BARX2: variants seen among roughly 807,000 people sequenced by gnomAD.
The protein encoded by BARX2 is homeobox protein BarH-like 2.
In BARX2, 11 loss-of-function variants were observed where a neutral mutation model predicts 25.5. That is an observed-to-expected ratio of 0.43 (90% CI 0.27 to 0.71). The LOEUF (loss-of-function observed/expected upper bound fraction) is 0.71, where lower values mean the gene tolerates loss of function less well. BARX2 is among the 30% of genes least tolerant of loss of function. The pLI is 0.19. For missense variants in BARX2, 360 were observed against 359.9 expected (o/e 1.00, Z 0.00); for synonymous variants, 137 against 149.5 (o/e 0.92, Z 0.61).
At position 129,436,941 on chromosome 11, in the gene BARX2, C is replaced by T; in HGVS notation, c.378C>T (p.Pro126=). 1 of 1,613,128 alleles carries T rather than the reference C, an allele frequency of 6.2e-7. No homozygotes were observed. Residue 126 remains proline (P), a synonymous_variant, in exon 2 of 4, where the codon CCC becomes CCT. Coordinates refer to ENST00000281437, the MANE Select transcript of BARX2 (RefSeq NM_003658.5). The surrounding 1 kb of genome is among the most constrained non-coding windows in gnomAD (Gnocchi z 4.5). ...GCAGCGAGTCAGAGACGGAACAGCC[C>T]ACGCCCCGACAGAAGAAGCCCCGCC... The part of the protein sequence containing the change: ...LASSESETEQ[P]TPRQKKPRRS...
At chr11:129,401,620 T>A (rs1397074458) in intron 1 of BARX2, among the ~76,000 whole-genome samples, 1 of 152,124 alleles carries the variant, frequency 6.6e-6, no homozygotes, top group Non-Finnish European at 1.5e-5. Context: ...GCCAAAGTTG[T>A]CCATAGCACC....
intron 1 of BARX2, among the ~76,000 whole-genome samples, chr11:129,429,302 T>A (rs1432144273): frequency 6.6e-6 from 1 of 151,560 alleles, no homozygotes. Flanking sequence ...GAGGCTGAGG[T>A]GGAAGGATCA....
At chr11:129,398,072 T>G (rs1408933780) in intron 1 of BARX2, among the ~76,000 whole-genome samples, 1 of 152,246 alleles carries the variant, frequency 6.6e-6, no homozygotes, top group Non-Finnish European at 1.5e-5. Flanking sequence ...CAACTGCATC[T>G]TTAGAAGTTG....
chr11:129,398,826 G>A (rs1591432103), intron 1 of BARX2, among the ~76,000 whole-genome samples: 2 of 152,216 alleles, frequency 1.3e-5, no homozygotes, highest in South Asian at 4.1e-4. Context: ...AGTTCCAGTA[G>A]TTGGCTTAAT....
chr11:129,449,150 CTA>C (rs1395570817), intron 3 of BARX2, among the ~76,000 whole-genome samples: 2 of 152,144 alleles, frequency 1.3e-5, no homozygotes, highest in African/African-American at 2.4e-5. Context: ...AATTCTGTGA[CTA>C]TCCTAAAAAT....
chr11:129,388,759 A>C (rs1051027849), intron 1 of BARX2, among the ~76,000 whole-genome samples: 1 of 152,236 alleles, frequency 6.6e-6, no homozygotes, highest in Non-Finnish European at 1.5e-5. Context: ...TCTGGGAACC[A>C]CAATAATGTA....
At chr11:129,442,576 T>A in intron 2 of BARX2, 1 of 471,976 alleles carries the variant, frequency 2.1e-6, no homozygotes, top group Admixed American at 3.3e-5. Flanking sequence ...CTCAGGTCCC[T>A]TGCAGACCGT....
chr11:129,428,053 T>C (rs59085682), intron 1 of BARX2, among the ~76,000 whole-genome samples: 39,313 of 152,158 alleles, frequency 0.26, 5,104 homozygotes, highest in Middle Eastern at 0.34. Context: ...GTAAATGATA[T>C]GCACAGTTAT....
intron 1 of BARX2, among the ~76,000 whole-genome samples, chr11:129,378,762 A>G (rs1301271170): frequency 1.0e-4 from 15 of 150,734 alleles, no homozygotes; most frequent in South Asian, 6.3e-4. Flanking sequence ...AAACTAAGAG[A>G]AAAAAAAGGC....
At chr11:129,395,173 C>G (rs1235686757) in intron 1 of BARX2, among the ~76,000 whole-genome samples, 9 of 152,152 alleles carry the variant, frequency 5.9e-5, no homozygotes, top group Non-Finnish European at 1.0e-4. Flanking sequence ...AGTCACTAAT[C>G]AAATCCATAA....
intron 2 of BARX2, among the ~76,000 whole-genome samples, chr11:129,440,968 C>A (rs1366729807): frequency 6.6e-6 from 1 of 152,194 alleles, no homozygotes; most frequent in Non-Finnish European, 1.5e-5. Context: ...CTGCTGCATT[C>A]GAAGTCCACA....
At chr11:129,427,032 TAAG>T (rs1190438812) in intron 1 of BARX2, among the ~76,000 whole-genome samples, 1 of 152,202 alleles carries the variant, frequency 6.6e-6, no homozygotes, top group Non-Finnish European at 1.5e-5. Flanking sequence ...GCACAGATGA[TAAG>T]AAGATACGTA....
chr11:129,435,194 T>C (rs189739329), intron 1 of BARX2, among the ~76,000 whole-genome samples: 2 of 152,310 alleles, frequency 1.3e-5, no homozygotes, highest in East Asian at 3.9e-4. Context: ...CTCTAAAATA[T>C]CACTCCCAGG....
intron 1 of BARX2, among the ~76,000 whole-genome samples, chr11:129,392,526 A>G (rs1313428699): frequency 3.9e-5 from 6 of 152,206 alleles, no homozygotes; most frequent in Non-Finnish European, 7.3e-5. Flanking sequence ...AATAATAACA[A>G]TACACACACA....
intron 1 of BARX2, among the ~76,000 whole-genome samples, chr11:129,399,198 G>A (rs1314026186): frequency 6.6e-6 from 1 of 152,116 alleles, no homozygotes; most frequent in Admixed American, 6.5e-5. Context: ...AGGCTCTCTG[G>A]GAGTGCAGTT....
At position 129,451,640 on chromosome 11, in the gene BARX2, A is replaced by G; in HGVS notation, c.*238A>G. The G allele has an allele frequency of 9.1e-6, 5 of 547,830 alleles. No individual in the cohort carries two copies. In the South Asian group the frequency reaches 1.2e-4, roughly 13 times the overall value. The allele number at this position is 547,830 out of a possible 1,614,324, so 33.9% of individuals were successfully genotyped here. ...GCTTTAGCTGTGGATGCCCTTGATT[A>G]AGGGAGAGAGCGCCTAGGAGCTGCC... is the stretch of plus-strand genomic sequence containing the variant. On this transcript the variant is annotated 3_prime_UTR_variant, in exon 4 of 4. Coordinates refer to ENST00000281437, the MANE Select transcript of BARX2 (RefSeq NM_003658.5).
chr11:129,395,319 G>A lies in BARX2; in HGVS notation c.187+19097G>A, dbSNP rs118172488. Among the ~76,000 whole-genome samples the A allele has an allele frequency of 6.9e-3, 1,044 of 152,206 alleles. 8 individuals are homozygous for A. Among genetic ancestry groups the A allele is most frequent in the Non-Finnish European group, 0.012 (802 of 68,014 alleles). ...TCCATTGTCATACAACTCTGCTGTC[G>A]CCAGTGATGTTCGAGGACCAGCACT... On this transcript the variant is annotated intron_variant, in intron 1 of 3. Transcript: ENST00000281437.
At chr11:129,441,244 G>A (rs1245191791) in intron 2 of BARX2, among the ~76,000 whole-genome samples, 1 of 152,058 alleles carries the variant, frequency 6.6e-6, no homozygotes, top group South Asian at 2.1e-4. Flanking sequence ...ATTGTGAGTG[G>A]GTGTGAGCCC....
At chr11:129,427,855 C>T (rs1238984753) in intron 1 of BARX2, among the ~76,000 whole-genome samples, 3 of 152,152 alleles carry the variant, frequency 2.0e-5, no homozygotes, top group Non-Finnish European at 4.4e-5. Flanking sequence ...TTCACATGCA[C>T]GAGTTCACTG....
Sources: gnomAD v4.1 joint callset for allele counts (sites outside exome capture counted in the v4.1 genomes callset) on GRCh38, gnomAD v4.1.1 for gene constraint, Gnocchi (gnomAD v3.1) non-coding constraint, MANE v1.5 for transcripts, NCBI Gene and HGNC (gene_info 2026-07-23, HGNC 2026-07-21) for gene names.